The following SETDB2 variants were observed in gnomAD, a reference collection of about 807,000 sequenced individuals.
SETDB2 encodes SET domain bifurcated histone lysine methyltransferase 2.
Under a neutral mutation model 82.5 loss-of-function variants are expected in SETDB2, and 56 were observed. The observed-to-expected ratio is 0.68, with a 90% CI of 0.55 to 0.85. The LOEUF (loss-of-function observed/expected upper bound fraction) is 0.85, where lower values mean the gene tolerates loss of function less well. SETDB2 is among the 40% of genes least tolerant of loss of function. The pLI, the probability that SETDB2 is intolerant of heterozygous loss-of-function variation, is 0.00. For missense variants in SETDB2, 677 were observed against 816.4 expected, an observed-to-expected ratio of 0.83 and a Z score of 2.08; for synonymous variants, 272 against 284.9, an observed-to-expected ratio of 0.95 and a Z score of 0.46.
intron 7 of SETDB2, among the ~76,000 whole-genome samples, chr13:49,480,702 A>G (rs558067981): frequency 4.9e-4 from 75 of 152,342 alleles, no homozygotes; most frequent in African/African-American, 1.6e-3. Flanking sequence ...AAGCAGCCCT[A>G]TGAGGGAGGT....
At chr13:49,478,293 G>A (rs898834885) in intron 6 of SETDB2, among the ~76,000 whole-genome samples, 1 of 152,060 alleles carries the variant, frequency 6.6e-6, no homozygotes, top group African/African-American at 2.4e-5. Context: ...CCTCATCTGG[G>A]GACTTGGCTC....
At chr13:49,491,588 G>A in intron 13 of SETDB2, 144 bp from the exon 14 acceptor site, 2 of 612,230 alleles carry the variant, frequency 3.3e-6, no homozygotes, top group South Asian at 2.0e-5. Flanking sequence ...TTAATAAAAG[G>A]TCATTCCTAA....
chr13:49,492,036 C>G lies in SETDB2; in HGVS notation c.*187C>G. ...AACACAATTAGGATATTTTCATACA[C>G]ATAGGGTATCTTGTTCACTGCTGTG... On this transcript the variant is annotated 3_prime_UTR_variant, in exon 14 of 14. Coordinates refer to ENST00000611815, the MANE Select transcript of SETDB2 (RefSeq NM_001160308.3). 1.6e-6 allele frequency: 1 copy of G among 632,540 alleles called. No individual in the cohort carries two copies. The highest frequency in any genetic ancestry group is 1.6e-5 in the South Asian group (1 of 62,820). 39.2% of individuals were successfully genotyped at this position (632,540 alleles called of 1,614,324 possible). A position where few individuals can be genotyped will look rare whatever the true frequency, so the allele number is the denominator to read the frequency against.
At position 49,490,729 on chromosome 13, in the gene SETDB2, A is replaced by T. The variant is rs1204711611; in HGVS notation, c.1918-93A>T. The T allele has an allele frequency of 4.9e-6, 4 of 811,470 alleles. No individual in the cohort carries two copies. The Admixed American group carries it at 1.1e-4, about 22-fold the overall frequency. 50.3% of individuals were successfully genotyped at this position (811,470 alleles called of 1,614,324 possible). On this transcript the variant is annotated intron_variant, in intron 12 of 13. Transcript: ENST00000611815. Reference sequence around the variant, plus strand: ...ACAAAAAAAGAACAAAATCAGTGTGATATATTAAAAACAGAATGGTTTTCT... The same window carrying T: ...ACAAAAAAAGAACAAAATCAGTGTGTTATATTAAAAACAGAATGGTTTTCT...
At chr13:49,471,721 A>G (rs1278816383) in intron 5 of SETDB2, among the ~76,000 whole-genome samples, 1 of 151,912 alleles carries the variant, frequency 6.6e-6, no homozygotes, top group Non-Finnish European at 1.5e-5. Context: ...GTCTTGAAGA[A>G]CAGAAAATGT....
At chr13:49,479,092 A>G (rs530504222) in intron 6 of SETDB2, among the ~76,000 whole-genome samples, 11 of 152,362 alleles carry the variant, frequency 7.2e-5, no homozygotes, top group African/African-American at 2.6e-4. Context: ...TAAATTTTTT[A>G]TAATGAAAAA....
At position 49,491,956 on chromosome 13, in the gene SETDB2, T is replaced by C. The variant is rs1958722011; in HGVS notation, c.*107T>C. On this transcript the variant is annotated 3_prime_UTR_variant, in exon 14 of 14. Transcript: ENST00000611815. ...GGAAATTCCCCTCCGTTTTCCTTTG[T>C]CATGGGGTTTATGTTTTATTTCAGA... 1 of 795,638 alleles carries C rather than the reference T, an allele frequency of 1.3e-6. No homozygotes were observed. The highest frequency in any genetic ancestry group is 1.7e-5 in the African/African-American group (1 of 58,964). The allele number at this position is 795,638 out of a possible 1,614,324, so 49.3% of individuals were successfully genotyped here.
In SETDB2 at chr13:49,461,408, G is replaced by GA. The variant is rs976993795; in HGVS notation, c.208+253dup. Among the ~76,000 whole-genome samples, 5 of 151,866 alleles carry GA rather than the reference G, an allele frequency of 3.3e-5. No individual in the cohort carries two copies. The East Asian group carries it at 9.6e-4, about 29-fold the overall frequency. On this transcript the variant is annotated intron_variant, in intron 4 of 13. Transcript: ENST00000611815. ...TAACAAATGTGTGTCGTCTTTGGGGGAAAAAAAGACTTTCTTATATAAAGA... is the reference window on the plus strand; with the variant it reads ...TAACAAATGTGTGTCGTCTTTGGGGGAAAAAAAAGACTTTCTTATATAAAGA...
chr13:49,447,846 C>T (rs1233729447), intron 1 of SETDB2, among the ~76,000 whole-genome samples: 3 of 151,888 alleles, frequency 2.0e-5, no homozygotes, highest in Admixed American at 2.0e-4. Context: ...ATACTTATCT[C>T]ATAAAAAAAA....
At chr13:49,476,356 G>A (rs772192262) in intron 5 of SETDB2, 120 bp from the exon 6 acceptor site, 17 of 708,598 alleles carry the variant, frequency 2.4e-5, no homozygotes, top group South Asian at 8.0e-5. Context: ...CTTAAAATGT[G>A]TATCTTAGAG....
At position 49,483,472 on chromosome 13, in the gene SETDB2, A is replaced by G. The variant is rs369447405; in HGVS notation, c.1391A>G (p.Lys464Arg). ...NNPKELTVETKYDNISRIQYH... is the reference protein window; with the variant it reads ...NNPKELTVETRYDNISRIQYH... ...TTTTTTTTCCTTTTTAGGGAAACGA[A>G]ATATGATAATATTTCAAGAATTCAA... Residue 464 changes from lysine (K) to arginine (R), a missense_variant, in exon 10 of 14, where the codon AAA (lysine) becomes AGA (arginine). By Grantham distance (26) the Lys-to-Arg change is conservative (BLOSUM62 2). This residue lies in a region of SETDB2 where 420 missense variants were observed against 554.6 expected (regional missense o/e 0.76). Transcript: ENST00000611815. The G allele has an allele frequency of 2.9e-6, 4 of 1,362,662 alleles. No homozygotes were observed. The African/African-American group carries it at 4.5e-5, about 15-fold the overall frequency. 84.4% of individuals were successfully genotyped at this position (1,362,662 alleles called of 1,614,324 possible).
intron 10 of SETDB2, among the ~76,000 whole-genome samples, chr13:49,484,960 C>T (rs540962495): frequency 6.6e-6 from 1 of 152,278 alleles, no homozygotes; most frequent in Admixed American, 6.5e-5. Context: ...TTTCTTTTAT[C>T]TGTAAAAAGG....
Position 49,488,616 on chromosome 13 carries a change from G to A in SETDB2, c.1903G>A (p.Gly635Ser), listed in dbSNP as rs573356396. 6.3e-6 allele frequency: 10 copies of A among 1,594,090 alleles called. No homozygotes were observed. The highest frequency in any genetic ancestry group is 3.5e-5 in the Admixed American group (2 of 56,584). Residue 635 changes from glycine (G) to serine (S), a missense_variant, in exon 12 of 14, where the codon GGC (glycine) becomes AGC (serine). By Grantham distance (56) the Gly-to-Ser change is moderately conservative. This residue lies in a region of SETDB2 where 420 missense variants were observed against 554.6 expected (regional missense o/e 0.76). Coordinates refer to ENST00000611815, the MANE Select transcript of SETDB2 (RefSeq NM_001160308.3). ...LLDATKEGNV[G>S]RFLNHSCCPN... ...GGATGCCACAAAAGAAGGAAATGTC[G>A]GCCGCTTCCTTAATGTGAGTATAAG...
At chr13:49,460,081 A>G in intron 2 of SETDB2, 26 bp from the exon 3 acceptor site, 1 of 1,601,472 alleles carries the variant, frequency 6.2e-7, no homozygotes. Flanking sequence ...ATTAGCTCTT[A>G]GGCTAGTCAC....
intron 2 of SETDB2, among the ~76,000 whole-genome samples, chr13:49,457,895 C>G (rs1203969624): frequency 1.3e-5 from 2 of 152,122 alleles, no homozygotes; most frequent in African/African-American, 4.8e-5. Context: ...CTTGAAAATA[C>G]TTCAAAATAC....
intron 9 of SETDB2, among the ~76,000 whole-genome samples, 188 bp downstream of exon 9, chr13:49,483,150 C>T (rs143029506): frequency 2.0e-5 from 3 of 152,186 alleles, no homozygotes; most frequent in African/African-American, 4.8e-5. Context: ...CTCAGTGTTC[C>T]AGTTTTGGAA....
At chr13:49,463,837 A>T (rs1410154903) in intron 4 of SETDB2, among the ~76,000 whole-genome samples, 2 of 152,174 alleles carry the variant, frequency 1.3e-5, no homozygotes, top group Non-Finnish European at 2.9e-5. Context: ...CTCTATGTTG[A>T]GGGAGTGCTG....
intron 10 of SETDB2, among the ~76,000 whole-genome samples, chr13:49,485,204 T>C (rs550352715): frequency 2.0e-5 from 3 of 152,366 alleles, no homozygotes; most frequent in African/African-American, 7.2e-5. Flanking sequence ...GTCTACAATG[T>C]GTAAGCATTA....
intron 10 of SETDB2, among the ~76,000 whole-genome samples, chr13:49,485,369 A>C (rs566092915): frequency 1.3e-5 from 2 of 152,380 alleles, no homozygotes; most frequent in South Asian, 4.1e-4. Flanking sequence ...GGGATGCATT[A>C]AGATTTTAAT....
Sources: allele counts gnomAD v4.1 joint callset (sites outside exome capture counted in the v4.1 genomes callset), GRCh38; gene constraint gnomAD v4.1.1; regional missense constraint gnomAD v4.1.1; transcripts MANE v1.5; gene names NCBI Gene and HGNC (gene_info 2026-07-23, HGNC 2026-07-21).